Variants in OTP observed in about 807,000 individuals in gnomAD.
OTP encodes orthopedia homeobox.
In OTP, 5 loss-of-function variants were observed where a neutral mutation model predicts 22.3. That is an observed-to-expected ratio of 0.22 (90% CI 0.12 to 0.47). The LOEUF is 0.47. Ranked by LOEUF, OTP falls within the 20% of genes least tolerant of loss-of-function variation. The probability of loss-of-function intolerance (pLI) is 0.99; values close to 1 mark genes in which losing one functional copy is unlikely to be tolerated. For missense variants in OTP, 428 were observed against 456.2 expected (o/e 0.94, Z 0.56); for synonymous variants, 229 against 210.6 (o/e 1.09, Z -0.76).
At chr5:77,630,875 A>C (rs2112366685) in intron 2 of OTP, 81 bp from the exon 3 acceptor site, 1 of 1,389,046 alleles carries the variant, frequency 7.2e-7, no homozygotes, top group Non-Finnish European at 9.4e-7. Context: ...AGCCCCAGAA[A>C]CCCGCCTCGG....
chr5:77,630,673 G>A lies in OTP; in HGVS notation c.569C>T (p.Ala190Val). ...GCTGTCGCCCATGGCGGCGGCAGCGGCGGCGGCAGCCGACGGGAACTGAGG... is the reference window on the plus strand; with the variant it reads ...GCTGTCGCCCATGGCGGCGGCAGCGACGGCGGCAGCCGACGGGAACTGAGG... ...GLPQFPSAAA[A>V]AAAAMGDSLC... Residue 190 changes from alanine to valine, a missense_variant, in exon 3 of 3, where the codon GCC (alanine) becomes GTC (valine). Physicochemically the swap from Ala to Val is moderately conservative, Grantham distance 64. Around this residue, in one of 3 missense-constraint regions of OTP, gnomAD observed 236 missense variants for 238.1 expected, o/e 0.99. Transcript: ENST00000306422. 6.3e-7 allele frequency: 1 copy of A among 1,579,614 alleles called. No homozygotes were observed. The highest frequency in any genetic ancestry group is 8.5e-7 in the Non-Finnish European group (1 of 1,170,836).
chr5:77,637,343 G>C, intron 1 of OTP, 113 bp from the exon 2 acceptor site: 1 of 1,264,458 alleles, frequency 7.9e-7, no homozygotes, highest in Non-Finnish European at 1.1e-6. Flanking sequence ...ACCCGCGCTT[G>C]TCCTAAGGAA....
In OTP at chr5:77,630,043, G is replaced by C. The variant is rs1012556673; in HGVS notation, c.*221C>G. On this transcript the variant is annotated 3_prime_UTR_variant, in exon 3 of 3. Transcript: ENST00000306422. ...AAGGGAAGAGGGGCGGCCGGGAGAC[G>C]GGGGACCGCGGGCGATCGAAATCAG... 3.8e-6 allele frequency: 1 copy of C among 264,168 alleles called. No individual in the cohort carries two copies. Among genetic ancestry groups the C allele is most frequent in the East Asian group, 7.5e-5 (1 of 13,256 alleles). The allele number at this position is 264,168 out of a possible 1,614,324, so 16.4% of individuals were successfully genotyped here.
Position 77,636,811 on chromosome 5 carries a change from C to G in OTP, c.447+10G>C, listed in dbSNP as rs780136288. 6.2e-7 allele frequency: 1 copy of G among 1,600,774 alleles called. No homozygotes were observed. The highest frequency in any genetic ancestry group is 8.5e-7 in the Non-Finnish European group (1 of 1,171,870). ...CTTGCCTTCTGTCCCAGATCCCAAG[C>G]CCCTCGTACCTGCACTCGGGACTCG... On this transcript the variant is annotated intron_variant, in intron 2 of 2. Transcript: ENST00000306422.
At chr5:77,631,159 A>C (rs1447069479) in intron 2 of OTP, among the ~76,000 whole-genome samples, 3 of 152,264 alleles carry the variant, frequency 2.0e-5, no homozygotes, top group African/African-American at 7.2e-5. Context: ...AGTTCGACCC[A>C]CAGGTGTACA....
chr5:77,637,017 G>C lies in OTP; in HGVS notation c.251C>G (p.Pro84Arg), dbSNP rs374412480. 56 of 1,612,978 alleles carry C rather than the reference G, an allele frequency of 3.5e-5. No homozygotes were observed. Among genetic ancestry groups the C allele is most frequent in the Non-Finnish European group, 4.7e-5 (56 of 1,179,672 alleles). ...GGGGTTCGGGCCGCCCTGGGGCCCGGGCTGCTTGTCCGGGTCTTTGGCGCT... is the reference window on the plus strand; with the variant it reads ...GGGGTTCGGGCCGCCCTGGGGCCCGCGCTGCTTGTCCGGGTCTTTGGCGCT... ...AVSAKDPDKQ[P>R]GPQGGPNPSQ... The change falls in exon 2 of 3, where the codon CCC becomes CGC. Residue 84 changes from proline to arginine, a missense_variant. Around this residue, in one of 3 missense-constraint regions of OTP, gnomAD observed 176 missense variants for 162.9 expected, o/e 1.08. Coordinates refer to ENST00000306422, the MANE Select transcript of OTP (RefSeq NM_032109.3).
At position 77,636,836 on chromosome 5, in the gene OTP, G is replaced by A. The variant is rs1296052952; in HGVS notation, c.432C>T (p.Thr144=). The part of the protein sequence containing the change: ...REELALRIGL[T]ESRVQVWFQN... Reference sequence around the variant, plus strand: ...CCCCTCGTACCTGCACTCGGGACTCGGTCAGCCCGATACGCAGTGCCAGCT... The same window carrying A: ...CCCCTCGTACCTGCACTCGGGACTCAGTCAGCCCGATACGCAGTGCCAGCT... Residue 144 remains threonine (T), a synonymous_variant, in exon 2 of 3, where the codon ACC becomes ACT. Coordinates refer to ENST00000306422, the MANE Select transcript of OTP (RefSeq NM_032109.3). 2 of 1,612,194 alleles carry A rather than the reference G, an allele frequency of 1.2e-6. No homozygotes were observed. The highest frequency in any genetic ancestry group is 1.7e-6 in the Non-Finnish European group (2 of 1,178,960).
chr5:77,630,849 G>T, intron 2 of OTP, 55 bp from the exon 3 acceptor site: 1 of 1,467,310 alleles, frequency 6.8e-7, no homozygotes, highest in South Asian at 1.4e-5. Flanking sequence ...CCCGGCGGCT[G>T]GGGAGTTGGG....
intron 2 of OTP, among the ~76,000 whole-genome samples, chr5:77,634,360 A>G (rs1406589087): frequency 6.6e-6 from 1 of 152,248 alleles, no homozygotes; most frequent in African/African-American, 2.4e-5. Flanking sequence ...GAGGAGCTAT[A>G]TCAGACATGG....
chr5:77,636,932 G>T lies in OTP; in HGVS notation c.336C>A (p.Thr112=), dbSNP rs1479923106. The change falls in exon 2 of 3, where the codon ACC becomes ACA. Residue 112 remains threonine (T), a synonymous_variant. Transcript: ENST00000306422. ...TCTCCAACTCGTTGAGCTGTGCGGG[G>T]GTGAAGCGCGTCCGGTGGCGCTTCT... is the stretch of plus-strand genomic sequence containing the variant. ...QKQKRHRTRF[T]PAQLNELERS... The T allele has an allele frequency of 4.3e-6, 7 of 1,614,196 alleles. No homozygotes were observed. The East Asian group carries it at 6.7e-5, about 15-fold the overall frequency.
Position 77,629,049 on chromosome 5 carries a change from G to A in OTP, c.*1215C>T, listed in dbSNP as rs557294126. The A allele has an allele frequency of 5.2e-5, 8 of 152,700 alleles. No individual in the cohort carries two copies. The South Asian group carries it at 6.2e-4, about 12-fold the overall frequency. The allele number at this position is 152,700 out of a possible 1,614,324, so 9.5% of individuals were successfully genotyped here. A position where few individuals can be genotyped will look rare whatever the true frequency, so the allele number is the denominator to read the frequency against. On this transcript the variant is annotated 3_prime_UTR_variant, in exon 3 of 3. Transcript: ENST00000306422. ...TTGTAGATGTCCGAGTGCCCCCATC[G>A]GCTGCCAGCAGGTGGCCGAGGGGCA...
chr5:77,633,182 A>G (rs570434244), intron 2 of OTP, among the ~76,000 whole-genome samples: 1 of 152,310 alleles, frequency 6.6e-6, no homozygotes, highest in African/African-American at 2.4e-5. Context: ...GTAGAATTTC[A>G]ATAGAAAATG....
Position 77,638,544 on chromosome 5 carries a change from C to T in OTP, c.6G>A (p.Leu2=), listed in dbSNP as rs750118652. The T allele has an allele frequency of 8.3e-6, 13 of 1,573,006 alleles. No homozygotes were observed. The East Asian group carries it at 2.6e-4, about 31-fold the overall frequency. ...TGGCGTCCAGGAGGTCGGCATGAGA[C>T]AGCATCGCGCACCGCTCCAGGGCGA... M[L]SHADLLDARL... The change falls in exon 1 of 3, where the codon CTG becomes CTA. Residue 2 remains leucine (L), a synonymous_variant. Coordinates refer to ENST00000306422, the MANE Select transcript of OTP (RefSeq NM_032109.3).
rs1409405967 is a variant in OTP at position 77,630,805 on chromosome 5, C to A, written c.448-11G>T. On this transcript the variant is annotated splice_polypyrimidine_tract_variant and intron_variant, in intron 2 of 2. Coordinates refer to ENST00000306422, the MANE Select transcript of OTP (RefSeq NM_032109.3). ...GTTCTGGAACCAGACCTGGAGCGGGCGGGGCGGGAGACAGACAGGGAGCTA... is the reference window on the plus strand; with the variant it reads ...GTTCTGGAACCAGACCTGGAGCGGGAGGGGCGGGAGACAGACAGGGAGCTA... The A allele has an allele frequency of 1.4e-6, 2 of 1,472,832 alleles. No homozygotes were observed. The highest frequency in any genetic ancestry group is 2.2e-5 in the Admixed American group (1 of 45,654). 91.2% of individuals were successfully genotyped at this position (1,472,832 alleles called of 1,614,324 possible). A position where few individuals can be genotyped will look rare whatever the true frequency, so the allele number is the denominator to read the frequency against.
chr5:77,637,196 C>A lies in OTP; in HGVS notation c.72G>T (p.Arg24=). Residue 24 remains arginine (R), a synonymous_variant, in exon 2 of 3, where the codon CGG becomes CGT. Coordinates refer to ENST00000306422, the MANE Select transcript of OTP (RefSeq NM_032109.3). ...CGCCCAGCCTACACTTCACCGCCTC[C>A]CGGTGGCCCAGAAGCTCGGCGGCAT... The part of the protein sequence containing the change: ...MKDAAELLGH[R]EAVKCRLGVG... 1 of 1,545,350 alleles carries A rather than the reference C, an allele frequency of 6.5e-7. No individual in the cohort carries two copies. Among genetic ancestry groups the A allele is most frequent in the East Asian group, 2.3e-5 (1 of 42,588 alleles).
At chr5:77,633,925 G>A (rs1470561215) in intron 2 of OTP, among the ~76,000 whole-genome samples, 1 of 152,152 alleles carries the variant, frequency 6.6e-6, no homozygotes, top group East Asian at 1.9e-4. Flanking sequence ...ACTCTGGGCC[G>A]AATTCATTAC....
chr5:77,638,647 T>C lies in OTP; in HGVS notation c.-98A>G, dbSNP rs1044023510. Reference sequence around the variant, plus strand: ...AGCTATAAGCTATACGATATAGATATATATAGATCACCTAAATGAAAGAAA... The same window carrying C: ...AGCTATAAGCTATACGATATAGATACATATAGATCACCTAAATGAAAGAAA... On this transcript the variant is annotated 5_prime_UTR_variant, in exon 1 of 3. It adds an upstream start codon to the 5' untranslated region. Coordinates refer to ENST00000306422, the MANE Select transcript of OTP (RefSeq NM_032109.3). 21 of 1,138,278 alleles carry C rather than the reference T, an allele frequency of 1.8e-5. No homozygotes were observed. The African/African-American group carries it at 3.2e-4, about 18-fold the overall frequency. 70.5% of individuals were successfully genotyped at this position (1,138,278 alleles called of 1,614,324 possible).
At position 77,630,348 on chromosome 5, in the gene OTP, G is replaced by C. The variant is rs1312746222; in HGVS notation, c.894C>G (p.Asp298Glu). Residue 298 changes from aspartate (D) to glutamate (E), a missense_variant, in exon 3 of 3, where the codon GAC (aspartate) becomes GAG (glutamate). Around this residue, in one of 3 missense-constraint regions of OTP, gnomAD observed 236 missense variants for 238.1 expected, o/e 0.99. Coordinates refer to ENST00000306422, the MANE Select transcript of OTP (RefSeq NM_032109.3). The stretch of plus-strand genomic sequence containing the variant: ...TGGTGCCCCGCCACACGTCGCTGCT[G>C]TCCGGGGAGCTGCAGAGCTGGGGCG... ...SGSPQLCSSP[D>E]SSDVWRGTSI... is the part of the protein sequence containing the mutation. The C allele has an allele frequency of 2.5e-6, 4 of 1,573,248 alleles. No homozygotes were observed. Among genetic ancestry groups the C allele is most frequent in the South Asian group, 1.2e-5 (1 of 86,376 alleles).
chr5:77,632,970 G>A (rs1744953177), intron 2 of OTP, among the ~76,000 whole-genome samples: 1 of 152,186 alleles, frequency 6.6e-6, no homozygotes, highest in Non-Finnish European at 1.5e-5. Context: ...CTGGACTCGG[G>A]GGAGGTAGAC....
Sources: gnomAD v4.1 joint callset for allele counts (sites outside exome capture counted in the v4.1 genomes callset) on GRCh38, gnomAD v4.1.1 for gene constraint, gnomAD v4.1.1 regional missense constraint, MANE v1.5 for transcripts, NCBI Gene and HGNC (gene_info 2026-07-23, HGNC 2026-07-21) for gene names.